The following FUT8 variants were observed in gnomAD, a reference collection of about 807,000 sequenced individuals.
The protein encoded by FUT8 is fucosyltransferase 8, also known as alpha-(1,6)-fucosyltransferase.
A neutral mutation model predicts 71.3 loss-of-function variants in FUT8; 29 were observed. The ratio of observed to expected loss-of-function variants is 0.41; its 90% CI spans 0.30 to 0.55. FUT8 has a LOEUF of 0.55. FUT8 is among the 20% of genes least tolerant of loss of function. The pLI, the probability that FUT8 is intolerant of heterozygous loss-of-function variation, is 0.34. For missense variants in FUT8, 544 were observed against 702.1 expected (o/e 0.77, Z 2.55); for synonymous variants, 254 against 239.3 (o/e 1.06, Z -0.57).
intron 1 of FUT8, among the ~76,000 whole-genome samples, chr14:65,417,009 C>T (rs1398275472): frequency 6.6e-6 from 1 of 152,130 alleles, no homozygotes; most frequent in African/African-American, 2.4e-5. Flanking sequence ...TTGTCTTGAA[C>T]TCCTGGGGTC....
At chr14:65,547,067 T>G (rs528016428) in intron 2 of FUT8, among the ~76,000 whole-genome samples, 26 of 151,850 alleles carry the variant, frequency 1.7e-4, no homozygotes, top group Non-Finnish European at 3.1e-4. Context: ...CTAGTAATAC[T>G]ACAGATAGTG....
chr14:65,387,636 T>C, the FUT8 span, among the ~76,000 whole-genome samples: 6 of 152,226 alleles, frequency 3.9e-5, no homozygotes, highest in African/African-American at 1.4e-4. Context: ...ACTTCATCTG[T>C]TCAATTCAGA....
At chr14:65,491,801 A>T (rs181318085) in intron 2 of FUT8, among the ~76,000 whole-genome samples, 1 of 152,144 alleles carries the variant, frequency 6.6e-6, no homozygotes, top group African/African-American at 2.4e-5. Context: ...GAAAAGTGAA[A>T]TGTGAAAAAC....
At chr14:65,646,097 AT>A (rs924059021) in intron 6 of FUT8, 10 of 152,264 alleles carry the variant, frequency 6.6e-5, no homozygotes, top group African/African-American at 2.2e-4. Flanking sequence ...TGATGGTGAA[AT>A]TTTACAAAAA....
chr14:65,473,902 G>C (rs2066188178), intron 2 of FUT8, among the ~76,000 whole-genome samples: 1 of 152,158 alleles, frequency 6.6e-6, no homozygotes, highest in Admixed American at 6.5e-5. Flanking sequence ...AAAGCTATTA[G>C]AGGATTGTTT....
chr14:65,577,734 A>T (rs1221793597), intron 3 of FUT8, among the ~76,000 whole-genome samples: 1 of 152,144 alleles, frequency 6.6e-6, no homozygotes, highest in Non-Finnish European at 1.5e-5. Flanking sequence ...TGGGTCTAGG[A>T]TCTACAATTG....
In FUT8 at chr14:65,743,194, TTA is replaced by T. The variant is rs1896589182; in HGVS notation, c.*786_*787del. Reference sequence around the variant, plus strand: ...TCATTGGATGATATGTTGATCAGCCTTATGTGGAAGAACTGTGATAAAAAGAG... The same window carrying T: ...TCATTGGATGATATGTTGATCAGCCTTGTGGAAGAACTGTGATAAAAAGAG... On this transcript the variant is annotated 3_prime_UTR_variant, in exon 11 of 11. Coordinates refer to ENST00000673929, the MANE Select transcript of FUT8 (RefSeq NM_001371533.1). 6.6e-6 allele frequency: 1 copy of T among 152,290 alleles called. No individual in the cohort carries two copies. Among genetic ancestry groups the T allele is most frequent in the Non-Finnish European group, 1.5e-5 (1 of 67,896 alleles). 9.4% of individuals were successfully genotyped at this position (152,290 alleles called of 1,614,324 possible). A position where few individuals can be genotyped will look rare whatever the true frequency, so the allele number is the denominator to read the frequency against.
chr14:65,414,749 A>G (rs992974132), intron 1 of FUT8, among the ~76,000 whole-genome samples: 3 of 152,214 alleles, frequency 2.0e-5, no homozygotes, highest in African/African-American at 7.2e-5. Flanking sequence ...TGAGAATTCT[A>G]TTTGAATTCA....
intron 6 of FUT8, among the ~76,000 whole-genome samples, chr14:65,656,905 G>A (rs1386059843): frequency 1.3e-5 from 2 of 152,160 alleles, no homozygotes; most frequent in African/African-American, 4.8e-5. Context: ...ACTGGGGAAA[G>A]GAAAGTCTCT....
At chr14:65,441,596 A>C (rs79184805) in intron 1 of FUT8, among the ~76,000 whole-genome samples, 20,481 of 151,676 alleles carry the variant, frequency 0.14, 1,830 homozygotes, top group Middle Eastern at 0.2. Flanking sequence ...CACACACAAA[A>C]AAAAAAATTA....
At chr14:65,499,551 T>G (rs1444422026) in intron 2 of FUT8, among the ~76,000 whole-genome samples, 1 of 152,134 alleles carries the variant, frequency 6.6e-6, no homozygotes, top group Non-Finnish European at 1.5e-5. Context: ...CAGTGGCTTG[T>G]GCCTGTAATC....
chr14:65,672,006 C>A (rs1892499546), intron 7 of FUT8, among the ~76,000 whole-genome samples: 1 of 152,170 alleles, frequency 6.6e-6, no homozygotes, highest in African/African-American at 2.4e-5. Context: ...GATGTCCTTG[C>A]AGATGGAATT....
intron 7 of FUT8, among the ~76,000 whole-genome samples, chr14:65,680,599 C>T (rs2140407073): frequency 6.6e-6 from 1 of 152,302 alleles, no homozygotes; most frequent in South Asian, 2.1e-4. Flanking sequence ...TATTTCACAG[C>T]ATGTTGATTA....
At chr14:65,420,149 TA>T (rs202235375) in intron 1 of FUT8, among the ~76,000 whole-genome samples, 2,298 of 151,768 alleles carry the variant, frequency 0.015, 20 homozygotes, top group South Asian at 0.027. Flanking sequence ...TTAATAATAA[TA>T]AAAAAAAGAT....
At chr14:65,394,010 G>C in the FUT8 span, among the ~76,000 whole-genome samples, 4 of 152,144 alleles carry the variant, frequency 2.6e-5, no homozygotes, top group Non-Finnish European at 5.9e-5. Flanking sequence ...AGGCTGAAGT[G>C]CAATGGCGCA....
intron 2 of FUT8, among the ~76,000 whole-genome samples, chr14:65,505,693 A>T (rs994303087): frequency 1.3e-5 from 2 of 152,168 alleles, no homozygotes; most frequent in Non-Finnish European, 2.9e-5. Flanking sequence ...TTAGAAAATT[A>T]AGAGTGGAAC....
At chr14:65,666,167 G>T (rs1004012659) in intron 6 of FUT8, among the ~76,000 whole-genome samples, 5 of 151,992 alleles carry the variant, frequency 3.3e-5, no homozygotes, top group Admixed American at 1.3e-4. Flanking sequence ...ATTGTTTACA[G>T]TTCTTCTCAA....
chr14:65,370,562 T>G, the FUT8 span, among the ~76,000 whole-genome samples: 3 of 150,362 alleles, frequency 2.0e-5, no homozygotes. Flanking sequence ...AACTATATGA[T>G]ACATATAAAT....
intron 2 of FUT8, among the ~76,000 whole-genome samples, chr14:65,493,234 C>G (rs757030696): frequency 1.3e-5 from 2 of 152,118 alleles, no homozygotes; most frequent in Non-Finnish European, 2.9e-5. Flanking sequence ...TGTGAAGATA[C>G]TTTTTACAGA....
Sources: allele counts gnomAD v4.1 joint callset (sites outside exome capture counted in the v4.1 genomes callset), GRCh38; gene constraint gnomAD v4.1.1; transcripts MANE v1.5; gene names NCBI Gene and HGNC (gene_info 2026-07-23, HGNC 2026-07-21).